Variants in ZNF334 observed in about 807,000 individuals in gnomAD.
ZNF334 encodes zinc finger protein 334.
In ZNF334, 14 loss-of-function variants were observed where a neutral mutation model predicts 12.4. That is an observed-to-expected ratio of 1.13 (90% CI 0.74 to 1.76). The LOEUF (loss-of-function observed/expected upper bound fraction) is 1.76, where lower values mean the gene tolerates loss of function less well. ZNF334 is among the 40% of genes most tolerant of loss of function. The probability of loss-of-function intolerance (pLI) is 0.00; values close to 1 mark genes in which losing one functional copy is unlikely to be tolerated. For missense variants in ZNF334, 797 were observed against 804.5 expected (o/e 0.99, Z 0.11); for synonymous variants, 273 against 269.6 (o/e 1.01, Z -0.12).
At position 46,500,127 on chromosome 20, in the gene ZNF334, T is replaced by C. The variant is rs535160673; in HGVS notation, c.*1169A>G. On this transcript the variant is annotated 3_prime_UTR_variant, in exon 5 of 5. Transcript: ENST00000692313. ...ATTATACTTGCAGGTCAGCCCACAA[T>C]GAAGAGGGAGTTCAGCTGAGCAAAC... is the stretch of plus-strand genomic sequence containing the variant. The C allele has an allele frequency of 6.6e-6, 1 of 152,162 alleles. No homozygotes were observed. The highest frequency in any genetic ancestry group is 1.5e-5 in the Non-Finnish European group (1 of 68,048). The allele number at this position is 152,162 out of a possible 1,614,324, so 9.4% of individuals were successfully genotyped here.
At chr20:46,498,509 C>G (rs1568843683), downstream of ZNF334, among the ~76,000 whole-genome samples, 1 of 152,146 alleles carries the variant, frequency 6.6e-6, no homozygotes, top group Non-Finnish European at 1.5e-5. Context: ...TGACTGCATC[C>G]CTGGTCAACA....
chr20:46,469,142 A>G, the ZNF334 span, among the ~76,000 whole-genome samples: 1 of 152,314 alleles, frequency 6.6e-6, no homozygotes, highest in Non-Finnish European at 1.5e-5. Context: ...AAAACTGACC[A>G]TGTGAAAATA....
At chr20:46,488,595 G>C in the ZNF334 span, among the ~76,000 whole-genome samples, 2 of 151,558 alleles carry the variant, frequency 1.3e-5, no homozygotes, top group African/African-American at 4.8e-5. Context: ...ATATTTACCA[G>C]TTACATTTCA....
At chr20:46,481,812 A>G in the ZNF334 span, among the ~76,000 whole-genome samples, 1 of 152,198 alleles carries the variant, frequency 6.6e-6, no homozygotes, top group Non-Finnish European at 1.5e-5. Context: ...AAGAAAATAG[A>G]AGGCCAGATA....
chr20:46,483,151 C>T, the ZNF334 span, among the ~76,000 whole-genome samples: 3 of 152,152 alleles, frequency 2.0e-5, no homozygotes, highest in East Asian at 1.9e-4. Context: ...GTGACTGTCT[C>T]GCCAAAACAA....
chr20:46,485,843 C>T, the ZNF334 span, among the ~76,000 whole-genome samples: 251 of 152,230 alleles, frequency 1.6e-3, 1 homozygote, highest in African/African-American at 5.8e-3. Flanking sequence ...TTCCAAATAA[C>T]CCTGTTTATT....
At chr20:46,480,146 T>C in the ZNF334 span, among the ~76,000 whole-genome samples, 1,821 of 152,288 alleles carry the variant, frequency 0.012, 40 homozygotes, top group African/African-American at 0.042. Flanking sequence ...GTCACTCATA[T>C]TGGCTTAGAA....
chr20:46,491,388 C>T, the ZNF334 span: 1 of 152,576 alleles, frequency 6.6e-6, no homozygotes, highest in South Asian at 2.1e-4. Context: ...TTAATTCATA[C>T]TAGAAAGAAA....
At chr20:46,480,345 T>C in the ZNF334 span, among the ~76,000 whole-genome samples, 1 of 152,106 alleles carries the variant, frequency 6.6e-6, no homozygotes, top group African/African-American at 2.4e-5. Context: ...CAGCACACAC[T>C]GGATTCCCCC....
At position 46,502,220 on chromosome 20, in the gene ZNF334, T is replaced by C. The variant is rs1361236033; in HGVS notation, c.1119A>G (p.Gly373=). The C allele has an allele frequency of 5.0e-6, 8 of 1,614,124 alleles. No homozygotes were observed. Among genetic ancestry groups the C allele is most frequent in the Non-Finnish European group, 6.8e-6 (8 of 1,180,026 alleles). Residue 373 remains glycine, a synonymous_variant, in exon 5 of 5, where the codon GGA becomes GGG. Coordinates refer to ENST00000692313, the MANE Select transcript of ZNF334 (RefSeq NM_001353824.2). ...YLVVHQRTHR[G]EKPNECKECG... ...ATTCCTTACATTCATTTGGCTTCTC[T>C]CCTCTGTGAGTTCTTTGATGTACAA...
the ZNF334 span, among the ~76,000 whole-genome samples, chr20:46,493,486 G>A: frequency 6.6e-6 from 1 of 152,162 alleles, no homozygotes; most frequent in Non-Finnish European, 1.5e-5. Flanking sequence ...GATGGTTTCT[G>A]CTGTCTTGTC....
chr20:46,466,784 A>C, the ZNF334 span, among the ~76,000 whole-genome samples: 1 of 152,196 alleles, frequency 6.6e-6, no homozygotes, highest in South Asian at 2.1e-4. Context: ...ACAACTGGCC[A>C]AAAATGTAAA....
At chr20:46,464,765 T>C in the ZNF334 span, 6 of 515,018 alleles carry the variant, frequency 1.2e-5, no homozygotes, top group Admixed American at 8.2e-5. Flanking sequence ...TACGCTGCAG[T>C]AGAGTTGCCC....
downstream of ZNF334, among the ~76,000 whole-genome samples, chr20:46,498,537 A>G (rs1034580607): frequency 6.6e-6 from 1 of 152,170 alleles, no homozygotes; most frequent in Non-Finnish European, 1.5e-5. Context: ...AGCAACCTCA[A>G]AGACCTTGAG....
At chr20:46,469,350 C>T in the ZNF334 span, among the ~76,000 whole-genome samples, 266 of 151,524 alleles carry the variant, frequency 1.8e-3, no homozygotes, top group African/African-American at 5.8e-3. Context: ...AGATCCACCC[C>T]GCCTCCCAGC....
the ZNF334 span, chr20:46,491,032 T>C: frequency 6.6e-6 from 1 of 152,638 alleles, no homozygotes. Flanking sequence ...CCCACGAATA[T>C]GGTGAAAATA....
At chr20:46,491,737 T>G in the ZNF334 span, 1 of 152,882 alleles carries the variant, frequency 6.5e-6, no homozygotes, top group Non-Finnish European at 1.5e-5. Flanking sequence ...GAGAGAGACC[T>G]TACCAATGTA....
At chr20:46,506,404 T>C (rs2061433473) in intron 2 of ZNF334, 1 of 490,666 alleles carries the variant, frequency 2.0e-6, no homozygotes, top group East Asian at 3.3e-5. Flanking sequence ...GGTAGGCTGA[T>C]CGCTGGAGCT....
intron 4 of ZNF334, among the ~76,000 whole-genome samples, chr20:46,503,517 G>A (rs1051733476): frequency 1.3e-5 from 2 of 152,216 alleles, no homozygotes; most frequent in Non-Finnish European, 2.9e-5. Context: ...CATACAGTGA[G>A]ACCAGGTACA....
Sources: gnomAD v4.1 joint callset for allele counts (sites outside exome capture counted in the v4.1 genomes callset) on GRCh38, gnomAD v4.1.1 for gene constraint, MANE v1.5 for transcripts, NCBI Gene and HGNC (gene_info 2026-07-23, HGNC 2026-07-21) for gene names.